WDR1: variants seen among roughly 807,000 people sequenced by gnomAD.
WDR1 encodes WD repeat domain 1.
Under a neutral mutation model 71.9 loss-of-function variants are expected in WDR1, and 21 were observed. The observed-to-expected ratio is 0.29, with a 90% confidence interval of 0.21 to 0.42. WDR1 has a LOEUF of 0.42. Ranked by LOEUF, WDR1 falls within the 10% of genes least tolerant of loss-of-function variation. The pLI, the probability that WDR1 is intolerant of heterozygous loss-of-function variation, is 1.00. For synonymous variants in WDR1, 424 were observed against 347.4 expected (o/e 1.22, Z -2.45); for missense variants, 696 against 824.5 (o/e 0.84, Z 1.91).
At chr4:10,112,449 TTA>T (rs1310583853) in intron 2 of WDR1, among the ~76,000 whole-genome samples, 1 of 152,116 alleles carries the variant, frequency 6.6e-6, no homozygotes, top group Non-Finnish European at 1.5e-5. Flanking sequence ...ATGGCCACCA[TTA>T]TAGTCTTTCA....
intron 14 of WDR1, chr4:10,075,853 A>G (rs1400760962): frequency 3.3e-6 from 1 of 307,134 alleles, no homozygotes; most frequent in African/African-American, 2.1e-5. Context: ...ACAAACAGCT[A>G]CACTGTATCC....
Position 10,077,340 on chromosome 4 carries a change from T to A in WDR1, c.1678A>T (p.Thr560Ser). 1 of 1,613,858 alleles carries A rather than the reference T, an allele frequency of 6.2e-7. No homozygotes were observed. The highest frequency in any genetic ancestry group is 8.5e-7 in the Non-Finnish European group (1 of 1,179,836). ...GGMDMMVYVW[T>S]LSDPETRVKI... is the part of the protein sequence containing the mutation. Reference sequence around the variant, plus strand: ...ACTCTGGTTTCCGGGTCACTCAGGGTCCAAACATACACCATCATGTCCATG... The same window carrying A: ...ACTCTGGTTTCCGGGTCACTCAGGGACCAAACATACACCATCATGTCCATG... Residue 560 changes from threonine (T) to serine (S), a missense_variant, in exon 14 of 15, where the codon ACC becomes TCC. Coordinates refer to ENST00000499869, the MANE Select transcript of WDR1 (RefSeq NM_017491.5).
intron 2 of WDR1, chr4:10,115,658 ATC>A (rs754211935): frequency 6.5e-6 from 1 of 154,142 alleles, no homozygotes; most frequent in Non-Finnish European, 1.5e-5. Context: ...TCATCTCATC[ATC>A]TGTTTTACAG....
chr4:10,088,843 A>T (rs987072895), intron 5 of WDR1, 102 bp from the exon 6 acceptor site: 1 of 908,062 alleles, frequency 1.1e-6, no homozygotes, highest in Admixed American at 2.0e-5. Context: ...GCTGTTCATC[A>T]GTGTGAACTG....
intron 10 of WDR1, among the ~76,000 whole-genome samples, chr4:10,081,792 T>C (rs559730916): frequency 6.6e-6 from 1 of 152,272 alleles, no homozygotes; most frequent in Admixed American, 6.5e-5. Context: ...GACTGGAGTT[T>C]ACTGAGCACA....
At chr4:10,109,345 T>C (rs1713211648) in intron 2 of WDR1, among the ~76,000 whole-genome samples, 1 of 152,252 alleles carries the variant, frequency 6.6e-6, no homozygotes, top group African/African-American at 2.4e-5. Context: ...CAATCCCAGG[T>C]CACGTCACTG....
Position 10,075,310 on chromosome 4 carries a change from T to C in WDR1, c.*68A>G. 1 of 1,440,380 alleles carries C rather than the reference T, an allele frequency of 6.9e-7. No individual in the cohort carries two copies. The highest frequency in any genetic ancestry group is 1.8e-5 in the Admixed American group (1 of 56,694). The allele number at this position is 1,440,380 out of a possible 1,614,324, so 89.2% of individuals were successfully genotyped here. A position where few individuals can be genotyped will look rare whatever the true frequency, so the allele number is the denominator to read the frequency against. On this transcript the variant is annotated 3_prime_UTR_variant, in exon 15 of 15. Coordinates refer to ENST00000499869, the MANE Select transcript of WDR1 (RefSeq NM_017491.5). ...GGGGCGCGTCACAGAAATAGAGAAATGACATGTTCCGCTGCAGTTAAACTC... is the reference window on the plus strand; with the variant it reads ...GGGGCGCGTCACAGAAATAGAGAAACGACATGTTCCGCTGCAGTTAAACTC...
rs554273721 is a variant in WDR1, at chr4:10,116,013, C to G, written c.138+100G>C. ...GGGGGCGTGGCGCCCTCACCCTCCC[C>G]GGGCCAATGGGCAGGAGGTGAGAAG... On this transcript the variant is annotated intron_variant, in intron 2 of 14. Coordinates refer to ENST00000499869, the MANE Select transcript of WDR1 (RefSeq NM_017491.5). 7.4e-6 allele frequency: 11 copies of G among 1,490,640 alleles called. No homozygotes were observed. The South Asian group carries it at 7.8e-5, about 11-fold the overall frequency. 92.3% of individuals were successfully genotyped at this position (1,490,640 alleles called of 1,614,324 possible).
chr4:10,114,602 G>A (rs1441232759), intron 2 of WDR1, among the ~76,000 whole-genome samples: 1 of 152,334 alleles, frequency 6.6e-6, no homozygotes, highest in South Asian at 2.1e-4. Context: ...ATCCGAGGAC[G>A]TGTTAGTGGA....
Position 10,116,632 on chromosome 4 carries a change from C to G in WDR1, c.16+19G>C, listed in dbSNP as rs974014859. 1.0e-5 allele frequency: 13 copies of G among 1,245,216 alleles called. No individual in the cohort carries two copies. Among genetic ancestry groups the G allele is most frequent in the African/African-American group, 3.1e-5 (2 of 63,672 alleles). The allele number at this position is 1,245,216 out of a possible 1,614,324, so 77.1% of individuals were successfully genotyped here. On this transcript the variant is annotated intron_variant, in intron 1 of 14. Transcript: ENST00000499869. ...GGCAGCGCGGCGGCCGCTCGGGGGC[C>G]CCGCGCCGCGGCACTTACTGATCTC...
chr4:10,116,706 T>C lies in WDR1; in HGVS notation c.-40A>G. Reference sequence around the variant, plus strand: ...TACCGCGCCGCGCTCGCCGAGAGCCTCCGGGGCCGGCCCGCGCTGCGAATT... The same window carrying C: ...TACCGCGCCGCGCTCGCCGAGAGCCCCCGGGGCCGGCCCGCGCTGCGAATT... On this transcript the variant is annotated 5_prime_UTR_variant, in exon 1 of 15. Coordinates refer to ENST00000499869, the MANE Select transcript of WDR1 (RefSeq NM_017491.5). 7.5e-7 allele frequency: 1 copy of C among 1,338,298 alleles called. No individual in the cohort carries two copies. Among genetic ancestry groups the C allele is most frequent in the Non-Finnish European group, 9.6e-7 (1 of 1,038,450 alleles). 82.9% of individuals were successfully genotyped at this position (1,338,298 alleles called of 1,614,324 possible). A position where few individuals can be genotyped will look rare whatever the true frequency, so the allele number is the denominator to read the frequency against.
chr4:10,102,837 C>T (rs1482351829), intron 3 of WDR1, among the ~76,000 whole-genome samples: 1 of 152,212 alleles, frequency 6.6e-6, no homozygotes, highest in South Asian at 2.1e-4. Flanking sequence ...ATAGCTGTCA[C>T]TCTCCAGAGA....
At chr4:10,110,209 C>T (rs944931238) in intron 2 of WDR1, among the ~76,000 whole-genome samples, 1 of 152,182 alleles carries the variant, frequency 6.6e-6, no homozygotes, top group African/African-American at 2.4e-5. Context: ...GGAGCAGGCA[C>T]ATCGCCAGGG....
intron 8 of WDR1, among the ~76,000 whole-genome samples, chr4:10,087,160 C>T (rs1711628785): frequency 6.6e-6 from 1 of 152,234 alleles, no homozygotes; most frequent in Non-Finnish European, 1.5e-5. Flanking sequence ...ACTCCGTTTC[C>T]TCCTGCTCCC....
chr4:10,088,890 T>A, intron 5 of WDR1, 149 bp from the exon 6 acceptor site: 2 of 680,258 alleles, frequency 2.9e-6, no homozygotes, highest in African/African-American at 1.8e-5. Context: ...TAAAAAAACA[T>A]CCTGGGCAGT....
intron 14 of WDR1, 56 bp downstream of exon 14, chr4:10,077,248 C>A: frequency 6.2e-7 from 1 of 1,605,988 alleles, no homozygotes. Flanking sequence ...TGTGAGGTGG[C>A]CCATGGAGCC....
chr4:10,085,181 A>G (rs1765165231), intron 8 of WDR1, among the ~76,000 whole-genome samples: 1 of 152,210 alleles, frequency 6.6e-6, no homozygotes, highest in Non-Finnish European at 1.5e-5. Context: ...GACAAAAATA[A>G]CAGCTAGGGT....
chr4:10,092,624 C>T (rs144239854), intron 5 of WDR1: 8 of 232,000 alleles, frequency 3.4e-5, no homozygotes, highest in Non-Finnish European at 7.0e-5. Context: ...TTTCCTGCAC[C>T]TCGAGCCAAG....
At position 10,085,025 on chromosome 4, in the gene WDR1, C is replaced by T. The variant is rs182994863; in HGVS notation, c.952-495G>A. On this transcript the variant is annotated intron_variant, in intron 8 of 14. Transcript: ENST00000499869. ...CTGAGGGCAGGGGTCTCTCTGATCACTGTAAAAGCCCAAGGCTGTCCGTGA... is the reference window on the plus strand; with the variant it reads ...CTGAGGGCAGGGGTCTCTCTGATCATTGTAAAAGCCCAAGGCTGTCCGTGA... Among the ~76,000 whole-genome samples the T allele has an allele frequency of 2.6e-3, 393 of 152,364 alleles. 9 individuals are homozygous for T. Among genetic ancestry groups the T allele is most frequent in the Admixed American group, 0.023 (353 of 15,302 alleles).
Sources: gnomAD v4.1 joint callset for allele counts (sites outside exome capture counted in the v4.1 genomes callset) on GRCh38, gnomAD v4.1.1 for gene constraint, MANE v1.5 for transcripts, NCBI Gene and HGNC (gene_info 2026-07-23, HGNC 2026-07-21) for gene names.